The following AKAP12 variants were observed in gnomAD, a reference collection of about 807,000 sequenced individuals.
AKAP12 encodes the protein A-kinase anchoring protein 12.
A neutral mutation model predicts 79.9 loss-of-function variants in AKAP12; 32 were observed. The observed-to-expected ratio is 0.40, with a 90% CI of 0.30 to 0.54. AKAP12 has a LOEUF of 0.54. Ranked by LOEUF, AKAP12 falls within the 20% of genes least tolerant of loss-of-function variation. The pLI is 0.48. For synonymous variants in AKAP12, 808 were observed against 857.0 expected (o/e 0.94, Z 1.00); for missense variants, 2,074 against 2,177.0 (o/e 0.95, Z 0.94).
rs770074260 is a variant in AKAP12 at position 151,351,561 on chromosome 6, C to G, written c.3170C>G (p.Pro1057Arg). The G allele has an allele frequency of 5.6e-6, 9 of 1,614,010 alleles. No individual in the cohort carries two copies. In the African/African-American group the frequency reaches 1.1e-4, roughly 19 times the overall value. Residue 1057 changes from proline (P) to arginine (R), a missense_variant, in exon 4 of 5, where the codon CCT (proline) becomes CGT (arginine). Coordinates refer to ENST00000402676, the MANE Select transcript of AKAP12 (RefSeq NM_005100.4). This position sits in a 1 kb window ranked among gnomAD's most constrained non-coding sequence, Gnocchi z 4.4. ...AEKVKEESQL[P>R]GTGGPEDVLQ... The stretch of plus-strand genomic sequence containing the variant: ...AAAGTGAAAGAGGAATCCCAGCTGC[C>G]TGGCACCGGTGGGCCAGAAGATGTG...
intron 2 of AKAP12, among the ~76,000 whole-genome samples, chr6:151,243,708 G>A (rs1381187987): frequency 1.3e-5 from 2 of 152,158 alleles, no homozygotes; most frequent in African/African-American, 4.8e-5. Context: ...GGGGCAGGGG[G>A]AATGGCTTGG....
chr6:151,267,014 CAAAAAAAAAAA>C (rs34974747), intron 2 of AKAP12, among the ~76,000 whole-genome samples: 3 of 35,340 alleles, frequency 8.5e-5, no homozygotes, highest in Admixed American at 4.4e-4. Flanking sequence ...GACTCCATCT[CAAAAAAAAAAA>C]AAAAAAAAAA....
intron 2 of AKAP12, among the ~76,000 whole-genome samples, chr6:151,285,083 T>G (rs1776473738): frequency 6.6e-6 from 1 of 152,224 alleles, no homozygotes; most frequent in South Asian, 2.1e-4. Context: ...GAACATGATT[T>G]ATGAACGACA....
At chr6:151,312,642 A>T (rs970089814) in intron 3 of AKAP12, among the ~76,000 whole-genome samples, 1 of 151,998 alleles carries the variant, frequency 6.6e-6, no homozygotes, top group African/African-American at 2.4e-5. Context: ...ATACAAAAAA[A>T]TTAGCCGGGC....
intron 2 of AKAP12, among the ~76,000 whole-genome samples, chr6:151,263,955 A>AC (rs1056497694): frequency 6.6e-6 from 1 of 152,106 alleles, no homozygotes; most frequent in Non-Finnish European, 1.5e-5. Context: ...GCATCTCTCC[A>AC]CCTAGGATGC....
At position 151,266,483 on chromosome 6, in the gene AKAP12, G is replaced by A. The variant is rs1382997394; in HGVS notation, c.162+25759G>A. Among the ~76,000 whole-genome samples the A allele has an allele frequency of 1.3e-5, 2 of 152,162 alleles. 1 individual carries two copies. Among genetic ancestry groups the A allele is most frequent in the Admixed American group, 1.3e-4 (2 of 15,276 alleles). On this transcript the variant is annotated intron_variant, in intron 2 of 4. Coordinates refer to ENST00000402676, the MANE Select transcript of AKAP12 (RefSeq NM_005100.4). ...ATCTGTGGAAGGACAGAGGAGGGAG[G>A]AGTCTAGGTAGAATAGAAGAAAAAC...
At chr6:151,295,825 G>A (rs942154478) in intron 2 of AKAP12, among the ~76,000 whole-genome samples, 6 of 152,172 alleles carry the variant, frequency 3.9e-5, no homozygotes, top group Non-Finnish European at 7.3e-5. Context: ...AGTAGGACAC[G>A]TGGGGTTCAG....
At chr6:151,291,860 C>G (rs765562489) in intron 2 of AKAP12, among the ~76,000 whole-genome samples, 1 of 152,154 alleles carries the variant, frequency 6.6e-6, no homozygotes, top group African/African-American at 2.4e-5. Context: ...TAACATAGCT[C>G]ATCCCTGCCA....
intron 3 of AKAP12, among the ~76,000 whole-genome samples, chr6:151,333,712 C>T (rs1487437560): frequency 2.7e-5 from 4 of 148,936 alleles, no homozygotes; most frequent in Non-Finnish European, 4.4e-5. Flanking sequence ...GCACTCTAGC[C>T]TGGGCAACAG....
chr6:151,330,521 G>T (rs950596333), intron 3 of AKAP12, among the ~76,000 whole-genome samples: 1 of 152,150 alleles, frequency 6.6e-6, no homozygotes, highest in Non-Finnish European at 1.5e-5. Context: ...AAGATAACTA[G>T]TTCCAGATGT....
At position 151,258,163 on chromosome 6, in the gene AKAP12, G is replaced by A. The variant is rs182626592; in HGVS notation, c.162+17439G>A. The stretch of plus-strand genomic sequence containing the variant: ...TTATTGTGTCCTCAAACTCTCTGCC[G>A]CTCCTGCAATGAATACTGGAGGTAT... On this transcript the variant is annotated intron_variant, in intron 2 of 4. Transcript: ENST00000402676. Among the ~76,000 whole-genome samples, 561 of 152,288 alleles carry A rather than the reference G, an allele frequency of 3.7e-3. 3 individuals carry two copies. The highest frequency in any genetic ancestry group is 0.012 in the African/African-American group (510 of 41,540).
Position 151,349,021 on chromosome 6 carries a change from A to C in AKAP12, c.630A>C (p.Ala210=). Residue 210 remains alanine, a synonymous_variant, in exon 4 of 5, where the codon GCA becomes GCC. Transcript: ENST00000402676. ...AGAAAGATGAAGGGGAGGGAGCAGC[A>C]GGGGCTGGCGACCACAAGGACCCCA... ...TVKKDEGEGA[A]GAGDHKDPSL... 6.2e-7 allele frequency: 1 copy of C among 1,613,722 alleles called. No individual in the cohort carries two copies. Among genetic ancestry groups the C allele is most frequent in the South Asian group, 1.1e-5 (1 of 91,062 alleles).
At chr6:151,341,057 C>CT (rs11359622) in intron 3 of AKAP12, among the ~76,000 whole-genome samples, 2,380 of 138,164 alleles carry the variant, frequency 0.017, 59 homozygotes, top group African/African-American at 0.056. Context: ...TCTTTTTTTT[C>CT]TTTTTTTTTT....
chr6:151,321,887 G>A (rs897066814), intron 3 of AKAP12, among the ~76,000 whole-genome samples: 4 of 143,838 alleles, frequency 2.8e-5, no homozygotes, highest in Non-Finnish European at 6.0e-5. Context: ...TTTTAAACCA[G>A]GCACATCAGC....
intron 2 of AKAP12, among the ~76,000 whole-genome samples, chr6:151,258,121 G>C (rs888608094): frequency 2.0e-5 from 3 of 152,192 alleles, no homozygotes; most frequent in Admixed American, 6.5e-5. Flanking sequence ...GACTACTGTG[G>C]AGTGAAAAGC....
chr6:151,240,583 C>T lies in AKAP12; in HGVS notation c.21C>T (p.Thr7=). MGAGSS[T]EQRSPEQPPE... is the part of the protein sequence containing the mutation. ...GAGCCATGGGCGCCGGGAGCTCCAC[C>T]GAGCAGCGCAGCCCGGAGCAGCCGC... The change falls in exon 2 of 5, where the codon ACC becomes ACT. Residue 7 remains threonine, a synonymous_variant. Coordinates refer to ENST00000402676, the MANE Select transcript of AKAP12 (RefSeq NM_005100.4). 1.4e-6 allele frequency: 2 copies of T among 1,445,376 alleles called. No homozygotes were observed. The highest frequency in any genetic ancestry group is 2.7e-5 in the Admixed American group (1 of 37,114). The allele number at this position is 1,445,376 out of a possible 1,614,324, so 89.5% of individuals were successfully genotyped here.
intron 2 of AKAP12, among the ~76,000 whole-genome samples, chr6:151,269,223 CG>C (rs1562714494): frequency 6.6e-6 from 1 of 151,834 alleles, no homozygotes; most frequent in African/African-American, 2.4e-5. Flanking sequence ...CCATTAGTAA[CG>C]GTCCCATTCA....
chr6:151,252,856 A>G (rs1797212513), intron 2 of AKAP12, among the ~76,000 whole-genome samples: 1 of 152,030 alleles, frequency 6.6e-6, no homozygotes. Context: ...GGCTGGGTGC[A>G]CCTAAAAAAT....
rs1164038315 is a variant in AKAP12, at chr6:151,339,376, AC to A, written c.320-9334del. ...GCCTTTGGCCCTCCTGAGATACCAC[AC>A]ACCTATATGACGTTGGTCAAGTCAT... On this transcript the variant is annotated intron_variant, in intron 3 of 4. Transcript: ENST00000402676. Among the ~76,000 whole-genome samples the A allele has an allele frequency of 3.9e-5, 6 of 152,186 alleles. No individual in the cohort carries two copies. In the South Asian group the frequency reaches 8.3e-4, roughly 21 times the overall value.
Sources: allele counts gnomAD v4.1 joint callset (sites outside exome capture counted in the v4.1 genomes callset), GRCh38; gene constraint gnomAD v4.1.1; non-coding constraint Gnocchi (gnomAD v3.1); transcripts MANE v1.5; gene names NCBI Gene and HGNC (gene_info 2026-07-23, HGNC 2026-07-21).